CLTCL1: variants seen among roughly 807,000 people sequenced by gnomAD.
CLTCL1 encodes clathrin heavy chain 2.
A neutral mutation model predicts 190.0 loss-of-function variants in CLTCL1; 159 were observed. The observed-to-expected ratio is 0.84, with a 90% CI of 0.74 to 0.95. The LOEUF (loss-of-function observed/expected upper bound fraction) is 0.95, where lower values mean the gene tolerates loss of function less well. Among genes scored for constraint, CLTCL1 ranks in the 40% least tolerant of loss-of-function variants. CLTCL1 has a pLI of 0.00. For missense variants in CLTCL1, 1,878 were observed against 2,033.4 expected (o/e 0.92, Z 1.47); for synonymous variants, 752 against 769.6 (o/e 0.98, Z 0.38).
rs868967436 is a variant in CLTCL1 at position 19,253,273 on chromosome 22, G to A, written c.519+686C>T. ...GGGGGCCAGAGATGCCAGGAAGGCC[G>A]CGTTGTGTGTGGGCCGTGGTGTGTG... is the stretch of plus-strand genomic sequence containing the variant. On this transcript the variant is annotated intron_variant, in intron 3 of 32. Transcript: ENST00000427926. 3.3e-5 allele frequency among the ~76,000 whole-genome samples: 5 copies of A among 152,114 alleles called. No homozygotes were observed. The East Asian group carries it at 7.7e-4, about 23-fold the overall frequency.
At chr22:19,213,870 T>TTGTGTTAA (rs2145680892) in intron 19 of CLTCL1, among the ~76,000 whole-genome samples, 1 of 152,360 alleles carries the variant, frequency 6.6e-6, no homozygotes, top group African/African-American at 2.4e-5. Flanking sequence ...TCTACAGATC[T>TTGTGTTAA]ACACTTGTGT....
intron 2 of CLTCL1, among the ~76,000 whole-genome samples, chr22:19,271,304 G>A (rs2087309589): frequency 6.6e-6 from 1 of 152,168 alleles, no homozygotes; most frequent in Admixed American, 6.5e-5. Context: ...CCTGGTGGGA[G>A]GTGACTGGAT....
intron 4 of CLTCL1, among the ~76,000 whole-genome samples, chr22:19,241,757 A>G (rs1466184661): frequency 6.6e-6 from 1 of 152,166 alleles, no homozygotes; most frequent in East Asian, 1.9e-4. Flanking sequence ...CCTGCCGAGC[A>G]GCCGCTGGCC....
chr22:19,217,836 ACT>A (rs1227452274), intron 18 of CLTCL1, among the ~76,000 whole-genome samples: 1 of 149,546 alleles, frequency 6.7e-6, no homozygotes, highest in Non-Finnish European at 1.5e-5. Flanking sequence ...GAAGAGCAAA[ACT>A]CTGTCTCAAA....
At chr22:19,190,441 C>A (rs1239785644) in intron 27 of CLTCL1, among the ~76,000 whole-genome samples, 1 of 151,934 alleles carries the variant, frequency 6.6e-6, no homozygotes, top group Admixed American at 6.6e-5. Flanking sequence ...ATAGTAACAT[C>A]AAAGATTGCT....
At chr22:19,285,642 T>C (rs2238762) in intron 1 of CLTCL1, among the ~76,000 whole-genome samples, 10,770 of 152,216 alleles carry the variant, frequency 0.071, 469 homozygotes, top group East Asian at 0.14. Flanking sequence ...CCAAGAGTGA[T>C]GGTCATCTCT....
intron 19 of CLTCL1, among the ~76,000 whole-genome samples, chr22:19,215,398 ATC>A (rs1443164904): frequency 1.3e-5 from 2 of 152,218 alleles, no homozygotes; most frequent in African/African-American, 4.8e-5. Context: ...CTGACACAGA[ATC>A]TCTGATGGTG....
chr22:19,260,138 G>A (rs577000204), intron 2 of CLTCL1, among the ~76,000 whole-genome samples: 1 of 152,292 alleles, frequency 6.6e-6, no homozygotes, highest in Admixed American at 6.5e-5. Context: ...TGAAGAAGTT[G>A]CAGAAGTCTG....
In CLTCL1 at chr22:19,179,522, A is replaced by T. The variant is rs567961715; in HGVS notation, c.*468T>A. 1 of 152,760 alleles carries T rather than the reference A, an allele frequency of 6.5e-6. No individual in the cohort carries two copies. Among genetic ancestry groups the T allele is most frequent in the East Asian group, 1.9e-4 (1 of 5,178 alleles). The allele number at this position is 152,760 out of a possible 1,614,324, so 9.5% of individuals were successfully genotyped here. ...TATTTATGATTGCCAAGAGGCTGAG[A>T]GTCCTTTTATGAGGTCCGGTACCTC... On this transcript the variant is annotated 3_prime_UTR_variant, in exon 33 of 33. Transcript: ENST00000427926.
At chr22:19,185,796 G>A (rs185218139) in intron 29 of CLTCL1, among the ~76,000 whole-genome samples, 8 of 152,342 alleles carry the variant, frequency 5.3e-5, no homozygotes, top group Admixed American at 4.6e-4. Flanking sequence ...GCCCCTGACA[G>A]GGACCACATG....
chr22:19,193,456 T>C (rs2084583756), intron 26 of CLTCL1, among the ~76,000 whole-genome samples: 1 of 151,940 alleles, frequency 6.6e-6, no homozygotes, highest in African/African-American at 2.4e-5. Flanking sequence ...AAAGACAGGA[T>C]GGGGTGAGTC....
intron 2 of CLTCL1, among the ~76,000 whole-genome samples, chr22:19,257,193 C>T (rs2086789194): frequency 6.6e-6 from 1 of 152,082 alleles, no homozygotes; most frequent in Non-Finnish European, 1.5e-5. Context: ...GAATTTAAAC[C>T]TCATTACAAA....
chr22:19,284,369 A>G (rs1179305593), intron 1 of CLTCL1, among the ~76,000 whole-genome samples: 2 of 152,200 alleles, frequency 1.3e-5, no homozygotes, highest in African/African-American at 4.8e-5. Flanking sequence ...TTTTTAAAAC[A>G]TACTTTGAGG....
At chr22:19,230,448 G>A (rs2085886822) in intron 10 of CLTCL1, among the ~76,000 whole-genome samples, 1 of 152,066 alleles carries the variant, frequency 6.6e-6, no homozygotes. Context: ...ACAGCCAGGT[G>A]TGGTGGCATG....
rs187411260 is a variant in CLTCL1, at chr22:19,270,992, C to A, written c.250+4631G>T. Among the ~76,000 whole-genome samples the A allele has an allele frequency of 3.4e-3, 517 of 151,610 alleles. 2 individuals carry two copies. The highest frequency in any genetic ancestry group is 6.8e-3 in the Middle Eastern group (2 of 294). ...AAAATATTCAGCATCACTAAAAGGA[C>A]CAAAAAAGGACCAGCCTTCTTTGGG... On this transcript the variant is annotated intron_variant, in intron 2 of 32. Coordinates refer to ENST00000427926, the MANE Select transcript of CLTCL1 (RefSeq NM_007098.4).
chr22:19,208,423 A>C, intron 21 of CLTCL1, 112 bp from the exon 22 acceptor site: 188 of 1,257,046 alleles, frequency 1.5e-4, no homozygotes, highest in Non-Finnish European at 1.9e-4. Flanking sequence ...GTTATGTCTC[A>C]CTGGGAACTC....
At chr22:19,287,650 A>C (rs2087955479) in intron 1 of CLTCL1, among the ~76,000 whole-genome samples, 1 of 152,178 alleles carries the variant, frequency 6.6e-6, no homozygotes, top group African/African-American at 2.4e-5. Flanking sequence ...ATGACCATCA[A>C]GGTGGGGAGG....
chr22:19,208,929 G>A lies in CLTCL1; in HGVS notation c.3435C>T (p.Ser1145=). 6.2e-7 allele frequency: 1 copy of A among 1,605,870 alleles called. No homozygotes were observed. Among genetic ancestry groups the A allele is most frequent in the Non-Finnish European group, 8.5e-7 (1 of 1,176,024 alleles). ...SSYLEVVQSA[S]RSNNWEDLVK... ...GAGAGGGGACTCACTTACTGCTCCT[G>A]CTGGCTGACTGAACAACTTCCAGGT... Residue 1145 remains serine (S), a synonymous_variant, in exon 21 of 33, where the codon AGC becomes AGT. Coordinates refer to ENST00000427926, the MANE Select transcript of CLTCL1 (RefSeq NM_007098.4).
intron 1 of CLTCL1, among the ~76,000 whole-genome samples, chr22:19,284,757 C>T (rs898926210): frequency 6.6e-6 from 1 of 151,770 alleles, no homozygotes; most frequent in African/African-American, 2.4e-5. Context: ...AGATTAAGAC[C>T]ATCCTGGCCA....
Sources: allele counts gnomAD v4.1 joint callset (sites outside exome capture counted in the v4.1 genomes callset), GRCh38; gene constraint gnomAD v4.1.1; transcripts MANE v1.5; gene names NCBI Gene and HGNC (gene_info 2026-07-23, HGNC 2026-07-21).